Variants in PLCH1 observed in about 807,000 individuals in gnomAD.
The protein encoded by PLCH1 is 1-phosphatidylinositol 4,5-bisphosphate phosphodiesterase eta-1.
A neutral mutation model predicts 126.7 loss-of-function variants in PLCH1; 60 were observed. That is an observed-to-expected ratio of 0.47 (90% CI 0.38 to 0.59). PLCH1 has a LOEUF of 0.59. PLCH1 is among the 20% of genes least tolerant of loss of function. PLCH1 has a pLI of 0.00. For missense variants in PLCH1, 1,723 were observed against 2,040.0 expected, an observed-to-expected ratio of 0.84 and a Z score of 2.99; for synonymous variants, 719 against 734.9, an observed-to-expected ratio of 0.98 and a Z score of 0.35.
chr3:155,489,996 A>G (rs1715929750), intron 19 of PLCH1, among the ~76,000 whole-genome samples: 1 of 152,206 alleles, frequency 6.6e-6, no homozygotes, highest in African/African-American at 2.4e-5. Context: ...TCTATTGAAC[A>G]TCGGTGGGAA....
intron 2 of PLCH1, among the ~76,000 whole-genome samples, chr3:155,651,526 A>G (rs543127630): frequency 6.6e-6 from 1 of 152,292 alleles, no homozygotes; most frequent in East Asian, 1.9e-4. Flanking sequence ...TATTTCACAT[A>G]CTTCTATAGT....
chr3:155,655,440 AAAG>A (rs3067533), intron 2 of PLCH1, among the ~76,000 whole-genome samples: 42 of 151,150 alleles, frequency 2.8e-4, no homozygotes, highest in African/African-American at 4.9e-4. Flanking sequence ...AGAAAAAAAA[AAAG>A]AAGAAGAAGA....
At chr3:155,635,372 G>A (rs1217267452) in intron 2 of PLCH1, among the ~76,000 whole-genome samples, 1 of 152,104 alleles carries the variant, frequency 6.6e-6, no homozygotes, top group Non-Finnish European at 1.5e-5. Flanking sequence ...AGAGCACTGA[G>A]GAATTAAAAA....
chr3:155,493,911 C>T (rs141167156), intron 17 of PLCH1, among the ~76,000 whole-genome samples: 2 of 152,170 alleles, frequency 1.3e-5, no homozygotes, highest in African/African-American at 4.8e-5. Context: ...CTCTTTCACA[C>T]ACGACCTCTC....
chr3:155,461,527 CA>C (rs71155046), intron 21 of PLCH1, among the ~76,000 whole-genome samples: 22,050 of 152,186 alleles, frequency 0.14, 2,054 homozygotes, highest in South Asian at 0.19. Context: ...AAGACACACA[CA>C]AAAAATGTGA....
In PLCH1 at chr3:155,482,024, C is replaced by T; in HGVS notation, c.4002G>A (p.Glu1334=). ...AGAGAGTGGGATCAGCTATTACATC[C>T]TCCAGGGTCAAATCAGGGGAAGAGG... ...SPASSPDLTL[E]DVIADPTLCF... Residue 1334 remains glutamate (E), a synonymous_variant, in exon 23 of 23, where the codon GAG becomes GAA. Transcript: ENST00000460012. 1 of 1,614,174 alleles carries T rather than the reference C, an allele frequency of 6.2e-7. No homozygotes were observed. Among genetic ancestry groups the T allele is most frequent in the South Asian group, 1.1e-5 (1 of 91,086 alleles).
chr3:155,500,133 A>G (rs767748922), intron 14 of PLCH1, among the ~76,000 whole-genome samples: 14 of 152,220 alleles, frequency 9.2e-5, no homozygotes, highest in Non-Finnish European at 1.8e-4. Context: ...GATTCTGAAA[A>G]TATGGTCATG....
intron 21 of PLCH1, among the ~76,000 whole-genome samples, chr3:155,458,923 C>T (rs1712601733): frequency 6.6e-6 from 1 of 152,166 alleles, no homozygotes; most frequent in Non-Finnish European, 1.5e-5. Flanking sequence ...ACTCTTGCTT[C>T]CCTAGGGTTG....
intron 2 of PLCH1, among the ~76,000 whole-genome samples, chr3:155,676,737 C>T (rs1744124719): frequency 6.6e-6 from 1 of 152,028 alleles, no homozygotes; most frequent in Non-Finnish European, 1.5e-5. Context: ...TATTCACACA[C>T]AAACATAGCA....
At chr3:155,728,163 T>C (rs1748485331) in intron 1 of PLCH1, among the ~76,000 whole-genome samples, 1 of 152,178 alleles carries the variant, frequency 6.6e-6, no homozygotes, top group Admixed American at 6.5e-5. Context: ...AAAATGATTT[T>C]TCTATTTTAT....
Position 155,488,076 on chromosome 3 carries a change from T to C in PLCH1, c.2571A>G (p.Thr857=). 1 of 1,609,200 alleles carries C rather than the reference T, an allele frequency of 6.2e-7. No individual in the cohort carries two copies. Among genetic ancestry groups the C allele is most frequent in the South Asian group, 1.1e-5 (1 of 90,994 alleles). ...TTATGTGTACAAATATGGATGCTTCTGTCAGTCCTTCCAAATAGACATGCC... is the reference window on the plus strand; with the variant it reads ...TTATGTGTACAAATATGGATGCTTCCGTCAGTCCTTCCAAATAGACATGCC... The part of the protein sequence containing the change: ...GYRHVYLEGL[T]EASIFVHITI... Residue 857 remains threonine (T), a synonymous_variant, in exon 21 of 23, where the codon ACA becomes ACG. Transcript: ENST00000460012.
intron 15 of PLCH1, among the ~76,000 whole-genome samples, chr3:155,496,719 G>A (rs191740119): frequency 1.3e-5 from 2 of 152,236 alleles, no homozygotes; most frequent in African/African-American, 2.4e-5. Flanking sequence ...AGAAGATAAA[G>A]GAGACAAGAG....
intron 2 of PLCH1, among the ~76,000 whole-genome samples, chr3:155,640,532 G>A (rs755633383): frequency 7.2e-5 from 11 of 152,210 alleles, no homozygotes; most frequent in Non-Finnish European, 1.0e-4. Flanking sequence ...GAGGAAGATT[G>A]CAATTAGGAG....
intron 22 of PLCH1, among the ~76,000 whole-genome samples, chr3:155,484,360 C>T (rs779062902): frequency 2.0e-5 from 3 of 152,156 alleles, no homozygotes; most frequent in East Asian, 1.9e-4. Flanking sequence ...TCTGACACTG[C>T]TCTTAGCAAA....
intron 1 of PLCH1, among the ~76,000 whole-genome samples, chr3:155,722,229 T>C (rs1249034018): frequency 1.3e-5 from 2 of 151,968 alleles, no homozygotes; most frequent in African/African-American, 4.8e-5. Flanking sequence ...AATGACGTGA[T>C]CTCGGCTCAC....
At chr3:155,740,611 G>C (rs971520824) in intron 1 of PLCH1, among the ~76,000 whole-genome samples, 70 of 151,608 alleles carry the variant, frequency 4.6e-4, no homozygotes, top group African/African-American at 1.7e-3. Flanking sequence ...AGCACCTTGA[G>C]AGGCCGAGGA....
intron 10 of PLCH1, among the ~76,000 whole-genome samples, chr3:155,539,335 G>A (rs1402565308): frequency 1.3e-5 from 2 of 152,090 alleles, no homozygotes; most frequent in Admixed American, 1.3e-4. Context: ...TTCCCCCTGA[G>A]AACTAGAACA....
chr3:155,685,193 A>G (rs1744841229), intron 2 of PLCH1, among the ~76,000 whole-genome samples: 1 of 152,184 alleles, frequency 6.6e-6, no homozygotes, highest in Non-Finnish European at 1.5e-5. Context: ...ATCCCAAAGG[A>G]TAACAGAGGG....
chr3:155,632,962 C>T (rs1304046526), intron 2 of PLCH1, among the ~76,000 whole-genome samples: 1 of 151,984 alleles, frequency 6.6e-6, no homozygotes, highest in African/African-American at 2.4e-5. Flanking sequence ...ATCACTTTCC[C>T]TCCTACTACT....
Sources: gnomAD v4.1 joint callset for allele counts (sites outside exome capture counted in the v4.1 genomes callset) on GRCh38, gnomAD v4.1.1 for gene constraint, MANE v1.5 for transcripts, NCBI Gene and HGNC (gene_info 2026-07-23, HGNC 2026-07-21) for gene names.